The following LANCL2 variants were observed in gnomAD, a reference collection of about 807,000 sequenced individuals.
LANCL2 encodes lanC-like protein 2.
A neutral mutation model predicts 56.9 loss-of-function variants in LANCL2; 33 were observed. The observed-to-expected ratio is 0.58, with a 90% confidence interval of 0.44 to 0.78. The LOEUF (loss-of-function observed/expected upper bound fraction) is 0.78, where lower values mean the gene tolerates loss of function less well. Ranked by LOEUF, LANCL2 falls within the 30% of genes least tolerant of loss-of-function variation. The pLI, the probability that LANCL2 is intolerant of heterozygous loss-of-function variation, is 0.00. For synonymous variants in LANCL2, 233 were observed against 228.2 expected (o/e 1.02, Z -0.19); for missense variants, 562 against 580.2 (o/e 0.97, Z 0.32).
rs190130774 is a variant in LANCL2, at chr7:55,366,196, T to G, written c.171T>G (p.Asp57Glu). 2,486 of 1,546,966 alleles carry G rather than the reference T, an allele frequency of 1.6e-3. 24 individuals carry two copies. The African/African-American group carries it at 0.024, about 15-fold the overall frequency. The part of the protein sequence containing the change: ...TGCVRPPATT[D>E]EPGLPFHQDG... ...GTGTTCGTCCCCCGGCGACCACGGATGAGCCCGGCCTCCCTTTTCATCAGG... is the reference window on the plus strand; with the variant it reads ...GTGTTCGTCCCCCGGCGACCACGGAGGAGCCCGGCCTCCCTTTTCATCAGG... The change falls in exon 1 of 9, where the codon GAT (aspartate) becomes GAG (glutamate). Residue 57 changes from aspartate to glutamate, a missense_variant. Asp to Glu is a conservative substitution (Grantham distance 45). Transcript: ENST00000254770.
intron 2 of LANCL2, among the ~76,000 whole-genome samples, chr7:55,398,035 C>A (rs1351276857): frequency 6.6e-6 from 1 of 151,978 alleles, no homozygotes; most frequent in Non-Finnish European, 1.5e-5. Flanking sequence ...AATGATTTTA[C>A]AATAAGTAAA....
intron 1 of LANCL2, among the ~76,000 whole-genome samples, chr7:55,383,344 T>A (rs114650291): frequency 0.011 from 1,699 of 152,264 alleles, 17 homozygotes; most frequent in Non-Finnish European, 0.018. Flanking sequence ...GTCAGTTATA[T>A]TGGGAGGCTG....
Position 55,385,187 on chromosome 7 carries a change from G to GA in LANCL2, c.205-6597dup, listed in dbSNP as rs571244915. 5.9e-5 allele frequency among the ~76,000 whole-genome samples: 9 copies of GA among 151,326 alleles called. No homozygotes were observed. In the South Asian group the frequency reaches 1.9e-3, roughly 32 times the overall value. On this transcript the variant is annotated intron_variant, in intron 1 of 8. Coordinates refer to ENST00000254770, the MANE Select transcript of LANCL2 (RefSeq NM_018697.4). ...GGGTGACAGGAGTGAAACCCCGTCT[G>GA]AAAAAAAAAGTAACAGAGGTGATAC...
At chr7:55,408,174 A>G (rs935573597) in intron 5 of LANCL2, among the ~76,000 whole-genome samples, 9 of 152,252 alleles carry the variant, frequency 5.9e-5, no homozygotes, top group Admixed American at 5.9e-4. Context: ...AAAATATATA[A>G]TAGCTGAATT....
intron 2 of LANCL2, among the ~76,000 whole-genome samples, chr7:55,396,763 G>A (rs1790258494): frequency 6.6e-6 from 1 of 151,924 alleles, no homozygotes; most frequent in Non-Finnish European, 1.5e-5. Context: ...GAAGCATTAA[G>A]TATATATAAC....
chr7:55,401,381 A>G (rs1790323329), intron 5 of LANCL2, 61 bp downstream of exon 5: 5 of 1,447,566 alleles, frequency 3.5e-6, no homozygotes, highest in Non-Finnish European at 4.8e-6. Flanking sequence ...TGGGAAATGA[A>G]TCCTGCATAT....
intron 2 of LANCL2, among the ~76,000 whole-genome samples, chr7:55,394,984 G>A (rs942588104): frequency 3.3e-5 from 5 of 152,188 alleles, no homozygotes; most frequent in Admixed American, 1.3e-4. Context: ...CGCTGACAGT[G>A]TAGGGAAGGA....
At chr7:55,425,150 GT>G (rs1790650790) in intron 6 of LANCL2, 103 bp from the exon 7 acceptor site, 1 of 1,165,286 alleles carries the variant, frequency 8.6e-7, no homozygotes, top group Non-Finnish European at 1.2e-6. Flanking sequence ...TGCCATTTCA[GT>G]TTTCCTAATA....
intron 5 of LANCL2, among the ~76,000 whole-genome samples, chr7:55,404,376 G>T (rs10441458): frequency 6.6e-6 from 1 of 151,892 alleles, no homozygotes. Context: ...TAAGTCAAAG[G>T]ATATGGATTA....
intron 1 of LANCL2, among the ~76,000 whole-genome samples, chr7:55,391,425 T>G (rs187995227): frequency 4.1e-4 from 63 of 152,348 alleles, no homozygotes; most frequent in African/African-American, 1.4e-3. Flanking sequence ...ATATCTTATA[T>G]TCTATGTATT....
intron 6 of LANCL2, among the ~76,000 whole-genome samples, chr7:55,424,037 G>A (rs1583766667): frequency 2.6e-5 from 4 of 152,268 alleles, no homozygotes; most frequent in South Asian, 2.1e-4. Context: ...TCGGCTGAGT[G>A]TCCAGCTCAT....
intron 5 of LANCL2, among the ~76,000 whole-genome samples, chr7:55,407,114 C>T (rs543835313): frequency 6.6e-6 from 1 of 152,192 alleles, no homozygotes; most frequent in Non-Finnish European, 1.5e-5. Context: ...CTGCACCCAG[C>T]ACAGGGAGGG....
At chr7:55,389,495 G>A (rs1790161510) in intron 1 of LANCL2, among the ~76,000 whole-genome samples, 1 of 152,252 alleles carries the variant, frequency 6.6e-6, no homozygotes, top group African/African-American at 2.4e-5. Flanking sequence ...TGAAAACTTA[G>A]TGACTGTGTG....
At chr7:55,398,312 G>T in intron 2 of LANCL2, 111 bp from the exon 3 acceptor site, 1 of 782,046 alleles carries the variant, frequency 1.3e-6, no homozygotes, top group East Asian at 2.6e-5. Context: ...TTACCCGTTT[G>T]GAAACATAGA....
intron 1 of LANCL2, among the ~76,000 whole-genome samples, chr7:55,377,361 G>A (rs1309340342): frequency 3.3e-5 from 5 of 152,024 alleles, no homozygotes; most frequent in Non-Finnish European, 5.9e-5. Context: ...TTCTTGAAAC[G>A]TTTTTCAAGA....
intron 1 of LANCL2, among the ~76,000 whole-genome samples, chr7:55,378,109 G>A (rs976236638): frequency 2.0e-5 from 3 of 152,162 alleles, no homozygotes; most frequent in Admixed American, 6.5e-5. Context: ...ATTGAAATAC[G>A]TAAAGCACTT....
chr7:55,407,273 T>C (rs1188159437), intron 5 of LANCL2, among the ~76,000 whole-genome samples: 1 of 152,186 alleles, frequency 6.6e-6, no homozygotes, highest in Non-Finnish European at 1.5e-5. Context: ...TGAGTGTCCA[T>C]GGTCCAGGGT....
chr7:55,401,345 T>C (rs1790322802), intron 5 of LANCL2, 25 bp downstream of exon 5: 1 of 1,582,072 alleles, frequency 6.3e-7, no homozygotes, highest in African/African-American at 1.3e-5. Context: ...TCTTACACAC[T>C]ACAGTATATT....
In LANCL2 at chr7:55,366,012, G is replaced by C. The variant is rs751257205; in HGVS notation, c.-14G>C. 1.4e-6 allele frequency: 2 copies of C among 1,429,592 alleles called. No individual in the cohort carries two copies. Among genetic ancestry groups the C allele is most frequent in the Admixed American group, 3.0e-5 (1 of 33,546 alleles). The allele number at this position is 1,429,592 out of a possible 1,614,324, so 88.6% of individuals were successfully genotyped here. A position where few individuals can be genotyped will look rare whatever the true frequency, so the allele number is the denominator to read the frequency against. Reference sequence around the variant, plus strand: ...GGAGGTTTGTCCCCGCCCGCGCGCCGTACCGCGGCGGAGATGGGCGAGACC... The same window carrying C: ...GGAGGTTTGTCCCCGCCCGCGCGCCCTACCGCGGCGGAGATGGGCGAGACC... On this transcript the variant is annotated 5_prime_UTR_variant, in exon 1 of 9. Transcript: ENST00000254770.
Sources: gnomAD v4.1 joint callset for allele counts (sites outside exome capture counted in the v4.1 genomes callset) on GRCh38, gnomAD v4.1.1 for gene constraint, MANE v1.5 for transcripts, NCBI Gene and HGNC (gene_info 2026-07-23, HGNC 2026-07-21) for gene names.